Variants in ADGRL2 observed in about 807,000 individuals in gnomAD.
The protein encoded by ADGRL2 is adhesion G protein-coupled receptor L2.
ADGRL2 carries 44 observed loss-of-function variants against 157.4 expected under a neutral mutation model. The observed-to-expected ratio is 0.28, with a 90% CI of 0.22 to 0.36. The LOEUF is 0.36. Among genes scored for constraint, ADGRL2 ranks in the 10% least tolerant of loss-of-function variants. ADGRL2 has a pLI of 1.00. For synonymous variants in ADGRL2, 585 were observed against 624.7 expected (o/e 0.94, Z 0.95); for missense variants, 1,510 against 1,768.9 (o/e 0.85, Z 2.63).
At chr1:81,802,413 C>A (rs1571295701) in intron 1 of ADGRL2, among the ~76,000 whole-genome samples, 1 of 152,178 alleles carries the variant, frequency 6.6e-6, no homozygotes, top group Admixed American at 6.5e-5. Flanking sequence ...CGCTCCCTCC[C>A]CCCAATCTCC....
intron 2 of ADGRL2, among the ~76,000 whole-genome samples, chr1:81,577,463 G>A (rs1005763253): frequency 7.9e-5 from 12 of 152,000 alleles, no homozygotes; most frequent in African/African-American, 9.7e-5. Context: ...CTAATGTCTC[G>A]CTAGTCTCCT....
intron 2 of ADGRL2, among the ~76,000 whole-genome samples, chr1:81,875,599 G>C (rs892642187): frequency 6.6e-6 from 1 of 152,102 alleles, no homozygotes; most frequent in Non-Finnish European, 1.5e-5. Flanking sequence ...TGTAAATTTG[G>C]AACAACAATT....
chr1:81,882,143 T>C lies in ADGRL2; in HGVS notation c.74-24874T>C, dbSNP rs58634929. Among the ~76,000 whole-genome samples, 518 of 152,332 alleles carry C rather than the reference T, an allele frequency of 3.4e-3. 8 individuals carry two copies. The highest frequency in any genetic ancestry group is 0.033 in the South Asian group (159 of 4,826). ...AATGATGATTCATAATATGTTCTAA[T>C]TAGAAATGTGAAAGTTGGTTAAACA... On this transcript the variant is annotated intron_variant, in intron 2 of 23. Coordinates refer to ENST00000686636, the MANE Select transcript of ADGRL2 (RefSeq NM_001366006.2).
intron 1 of ADGRL2, among the ~76,000 whole-genome samples, chr1:81,325,612 C>T (rs1480284150): frequency 1.3e-5 from 2 of 152,216 alleles, no homozygotes; most frequent in Non-Finnish European, 2.9e-5. Flanking sequence ...GCCAGCCCCA[C>T]ACCCAAATGA....
chr1:81,914,935 C>A (rs933762176), intron 3 of ADGRL2, among the ~76,000 whole-genome samples: 1 of 152,118 alleles, frequency 6.6e-6, no homozygotes, highest in Admixed American at 6.5e-5. Context: ...CAGTAATAAA[C>A]ATGAAACTTA....
At chr1:81,442,796 T>C (rs1001245704) in intron 1 of ADGRL2, among the ~76,000 whole-genome samples, 3 of 152,066 alleles carry the variant, frequency 2.0e-5, no homozygotes, top group African/African-American at 7.2e-5. Context: ...TAGAAGAAAA[T>C]AGGTCCATTT....
At chr1:81,376,568 C>T (rs1021264421) in intron 1 of ADGRL2, among the ~76,000 whole-genome samples, 4 of 150,704 alleles carry the variant, frequency 2.7e-5, no homozygotes, top group African/African-American at 9.8e-5. Context: ...TCCTCCCTTC[C>T]TTCCCTCCTT....
chr1:81,318,799 C>T lies in ADGRL2; in HGVS notation c.-302+12290C>T, dbSNP rs150715992. Among the ~76,000 whole-genome samples the T allele has an allele frequency of 2.7e-3, 416 of 152,042 alleles. 5 individuals carry two copies. The South Asian group carries it at 0.05, about 18-fold the overall frequency. ...GTCATAAAATTCAGCATTGCTGATG[C>T]TTAAGAGCAAACTCACCTCTCTTAA... On this transcript the variant is annotated intron_variant, in intron 1 of 24. Coordinates refer to the ADGRL2 transcript ENST00000370721.
chr1:81,976,956 T>C (rs1660352881), intron 17 of ADGRL2, among the ~76,000 whole-genome samples: 1 of 151,924 alleles, frequency 6.6e-6, no homozygotes, highest in Non-Finnish European at 1.5e-5. Flanking sequence ...TAAGTTGGAT[T>C]ACTTTTTATA....
chr1:81,692,440 C>A (rs965956726), intron 3 of ADGRL2, among the ~76,000 whole-genome samples: 7 of 152,152 alleles, frequency 4.6e-5, no homozygotes, highest in Non-Finnish European at 1.0e-4. Context: ...CCCATCTTGA[C>A]CCCGCAGTGT....
Position 81,431,958 on chromosome 1 carries a change from T to C in ADGRL2, c.-301-13078T>C, listed in dbSNP as rs80116055. Reference sequence around the variant, plus strand: ...ATGAAATGCCGGGAGGGAGAGAGGTTCGGGGGTGTTGTATTATCCCTCAGC... The same window carrying C: ...ATGAAATGCCGGGAGGGAGAGAGGTCCGGGGGTGTTGTATTATCCCTCAGC... On this transcript the variant is annotated intron_variant, in intron 1 of 24. Coordinates refer to the ADGRL2 transcript ENST00000370721. 4.8e-3 allele frequency among the ~76,000 whole-genome samples: 737 copies of C among 152,318 alleles called. 2 individuals carry two copies. Among genetic ancestry groups the C allele is most frequent in the Non-Finnish European group, 7.9e-3 (540 of 68,018 alleles).
intron 21 of ADGRL2, 45 bp downstream of exon 21, chr1:81,985,400 C>T (rs1407381272): frequency 9.9e-7 from 1 of 1,012,526 alleles, no homozygotes; most frequent in East Asian, 2.5e-5. Flanking sequence ...TATTAAAGTA[C>T]ATATAAGTTC....
intron 3 of ADGRL2, among the ~76,000 whole-genome samples, chr1:81,627,985 A>G (rs939447371): frequency 2.0e-5 from 3 of 152,190 alleles, no homozygotes; most frequent in African/African-American, 7.2e-5. Context: ...AGCCAGGCTT[A>G]TAGTCTAACA....
intron 1 of ADGRL2, among the ~76,000 whole-genome samples, chr1:81,321,188 G>T (rs1344108577): frequency 6.6e-6 from 1 of 152,134 alleles, no homozygotes; most frequent in Non-Finnish European, 1.5e-5. Context: ...TTATAAAATT[G>T]AAGAGAGTTA....
chr1:81,791,998 A>G (rs1329699318), intron 2 of ADGRL2, among the ~76,000 whole-genome samples: 2 of 152,200 alleles, frequency 1.3e-5, no homozygotes, highest in Non-Finnish European at 2.9e-5. Context: ...ACTTATAAAT[A>G]GTTTTGTATA....
chr1:81,801,276 T>C (rs1298794784), intron 1 of ADGRL2, among the ~76,000 whole-genome samples: 1 of 152,196 alleles, frequency 6.6e-6, no homozygotes, highest in East Asian at 1.9e-4. Context: ...CCTTTGACGC[T>C]GTACACGCTA....
At chr1:81,428,152 T>C (rs963394036) in intron 1 of ADGRL2, among the ~76,000 whole-genome samples, 2 of 152,126 alleles carry the variant, frequency 1.3e-5, no homozygotes, top group African/African-American at 4.8e-5. Flanking sequence ...ACTTGCAATG[T>C]AAGGGGAATC....
At chr1:81,910,071 C>A (rs1188250745) in intron 3 of ADGRL2, among the ~76,000 whole-genome samples, 1 of 151,806 alleles carries the variant, frequency 6.6e-6, no homozygotes, top group Non-Finnish European at 1.5e-5. Context: ...GAAACCCTGT[C>A]TCTACTAAAA....
At chr1:81,653,534 A>G (rs2082466172) in intron 3 of ADGRL2, among the ~76,000 whole-genome samples, 1 of 152,194 alleles carries the variant, frequency 6.6e-6, no homozygotes, top group African/African-American at 2.4e-5. Context: ...GCTGCTTCCC[A>G]ACACTGGAAA....
Sources: allele counts gnomAD v4.1 joint callset (sites outside exome capture counted in the v4.1 genomes callset), GRCh38; gene constraint gnomAD v4.1.1; transcripts MANE v1.5; gene names NCBI Gene and HGNC (gene_info 2026-07-23, HGNC 2026-07-21).